Variants in XPO5 observed in about 807,000 individuals in gnomAD.
XPO5 encodes exportin 5, also known as exportin-5.
A neutral mutation model predicts 160.6 loss-of-function variants in XPO5; 46 were observed. The observed-to-expected ratio is 0.29, with a 90% CI of 0.23 to 0.37. The LOEUF (loss-of-function observed/expected upper bound fraction) is 0.37, where lower values mean the gene tolerates loss of function less well. XPO5 is among the 10% of genes least tolerant of loss of function. XPO5 has a pLI of 1.00. For missense variants in XPO5, 1,090 were observed against 1,463.9 expected, an observed-to-expected ratio of 0.74 and a Z score of 4.17; for synonymous variants, 537 against 519.3, an observed-to-expected ratio of 1.03 and a Z score of -0.46.
chr6:43,523,617 C>G lies in XPO5; in HGVS notation c.*251G>C. 1.4e-6 allele frequency: 1 copy of G among 726,404 alleles called. No individual in the cohort carries two copies. Among genetic ancestry groups the G allele is most frequent in the Non-Finnish European group, 2.5e-6 (1 of 396,558 alleles). The allele number at this position is 726,404 out of a possible 1,614,324, so 45.0% of individuals were successfully genotyped here. ...AGCTTTTCTTGGAAAAGCCAAATCT[C>G]CAAGTAGAATGGGAACTATCTGGGA... On this transcript the variant is annotated 3_prime_UTR_variant, in exon 32 of 32. Coordinates refer to ENST00000265351, the MANE Select transcript of XPO5 (RefSeq NM_020750.3).
In XPO5 at chr6:43,554,217, C is replaced by T. The variant is rs147865452; in HGVS notation, c.1442-714G>A. On this transcript the variant is annotated intron_variant, in intron 13 of 31. Transcript: ENST00000265351. ...AGCCTCCCAGGTTGAAGCAATTCTC[C>T]GCCTCAGCCTCCCAAGTAGCTGGGA... Among the ~76,000 whole-genome samples, 300 of 151,980 alleles carry T rather than the reference C, an allele frequency of 2.0e-3. 3 individuals are homozygous for T. Among genetic ancestry groups the T allele is most frequent in the African/African-American group, 6.7e-3 (277 of 41,472 alleles).
At chr6:43,543,055 A>G (rs552212642) in intron 20 of XPO5, among the ~76,000 whole-genome samples, 16 of 152,362 alleles carry the variant, frequency 1.1e-4, no homozygotes, top group Admixed American at 8.5e-4. Context: ...ACATTCATGC[A>G]GTAACATGGA....
Position 43,523,691 on chromosome 6 carries a change from G to T in XPO5, c.*177C>A. ...CCTAACTCCCTTTCTTGATACTTTA[G>T]TATAATTACTTCTGGTCCTGCACAG... is the stretch of plus-strand genomic sequence containing the variant. On this transcript the variant is annotated 3_prime_UTR_variant, in exon 32 of 32. Coordinates refer to ENST00000265351, the MANE Select transcript of XPO5 (RefSeq NM_020750.3). 1 of 962,576 alleles carries T rather than the reference G, an allele frequency of 1.0e-6. No homozygotes were observed. The highest frequency in any genetic ancestry group is 1.7e-6 in the Non-Finnish European group (1 of 586,678). The allele number at this position is 962,576 out of a possible 1,614,324, so 59.6% of individuals were successfully genotyped here. A position where few individuals can be genotyped will look rare whatever the true frequency, so the allele number is the denominator to read the frequency against.
Position 43,528,808 on chromosome 6 carries a change from G to C in XPO5, c.2775+20C>G. The C allele has an allele frequency of 6.2e-7, 1 of 1,609,568 alleles. No individual in the cohort carries two copies. The highest frequency in any genetic ancestry group is 8.5e-7 in the Non-Finnish European group (1 of 1,176,768). ...GCCTTAATAGTACTCTTTGCTTCCT[G>C]TTCCTGACTTATCTCTTACCATATG... On this transcript the variant is annotated intron_variant, in intron 24 of 31. Transcript: ENST00000265351.
At chr6:43,525,789 A>T (rs967279772) in intron 28 of XPO5, 50 bp downstream of exon 28, 2 of 1,579,700 alleles carry the variant, frequency 1.3e-6, no homozygotes, top group East Asian at 4.5e-5. Flanking sequence ...GTAAAAGGTG[A>T]CTCCCCACCT....
chr6:43,565,568 T>TAAAAA, intron 8 of XPO5, 92 bp downstream of exon 8: 1 of 982,718 alleles, frequency 1.0e-6, no homozygotes, highest in East Asian at 3.4e-5. Context: ...CATCTCAAAA[T>TAAAAA]AAAAAAAAAA....
intron 10 of XPO5, 25 bp downstream of exon 10, chr6:43,560,899 G>T (rs949220593): frequency 6.3e-7 from 1 of 1,590,664 alleles, no homozygotes; most frequent in Middle Eastern, 1.7e-4. Context: ...CTAAACTTTT[G>T]AGAAGTTACC....
At chr6:43,558,377 TAA>T in intron 12 of XPO5, 122 bp downstream of exon 12, 3 of 818,918 alleles carry the variant, frequency 3.7e-6, no homozygotes. Context: ...TAGGGCCTAA[TAA>T]GTAGGCTGCT....
intron 12 of XPO5, among the ~76,000 whole-genome samples, chr6:43,557,513 G>A (rs1483958939): frequency 6.6e-6 from 1 of 152,074 alleles, no homozygotes; most frequent in Non-Finnish European, 1.5e-5. Context: ...AGTCACAATA[G>A]ACCATGTATG....
At chr6:43,530,653 C>T (rs372210289) in intron 23 of XPO5, 35 bp downstream of exon 23, 1 of 1,605,078 alleles carries the variant, frequency 6.2e-7, no homozygotes, top group Non-Finnish European at 8.5e-7. Context: ...AATTTTCTGA[C>T]CTTTTGGGTT....
intron 20 of XPO5, among the ~76,000 whole-genome samples, chr6:43,544,529 C>T (rs1053483687): frequency 1.2e-4 from 18 of 152,240 alleles, no homozygotes; most frequent in Admixed American, 1.2e-3. Context: ...CACATAGATT[C>T]TGGCCACAGG....
chr6:43,539,841 TTAAC>T (rs1207099013), intron 20 of XPO5: 1 of 521,548 alleles, frequency 1.9e-6, no homozygotes. Context: ...TTGGTCTAAT[TTAAC>T]TACTACCAAT....
intron 20 of XPO5, among the ~76,000 whole-genome samples, chr6:43,542,740 TA>T (rs1363633384): frequency 6.6e-6 from 1 of 152,162 alleles, no homozygotes; most frequent in East Asian, 1.9e-4. Flanking sequence ...AATAGTAATT[TA>T]AAACTCCCAA....
chr6:43,565,673 G>T lies in XPO5; in HGVS notation c.898C>A (p.Leu300Ile). 1 of 1,608,436 alleles carries T rather than the reference G, an allele frequency of 6.2e-7. No homozygotes were observed. Among genetic ancestry groups the T allele is most frequent in the Admixed American group, 1.7e-5 (1 of 59,264 alleles). The change falls in exon 8 of 32, where the codon CTC becomes ATC. Residue 300 changes from leucine to isoleucine, a missense_variant. By Grantham distance (5) the Leu-to-Ile change is conservative (BLOSUM62 2). This residue lies in a region of XPO5 where 810 missense variants were observed against 1,139.0 expected (regional missense o/e 0.71). Coordinates refer to ENST00000265351, the MANE Select transcript of XPO5 (RefSeq NM_020750.3). Reference protein sequence around the residue: ...LFGDVAMHYILSAAQTADGGG... With the variant: ...LFGDVAMHYIISAAQTADGGG... ...AAAGATACTCACTGTGCGGCGGAGA[G>T]TATATAATGCATGGCAACATCTCCA...
chr6:43,543,414 C>T (rs1046517954), intron 20 of XPO5, among the ~76,000 whole-genome samples: 1 of 152,146 alleles, frequency 6.6e-6, no homozygotes, highest in Non-Finnish European at 1.5e-5. Context: ...GATCGCAACA[C>T]TGCACCCCAA....
chr6:43,560,085 C>G lies in XPO5; in HGVS notation c.1221+93G>C, dbSNP rs1582236951. The G allele has an allele frequency of 2.1e-6, 3 of 1,453,716 alleles. No individual in the cohort carries two copies. The East Asian group carries it at 7.3e-5, about 35-fold the overall frequency. 90.1% of individuals were successfully genotyped at this position (1,453,716 alleles called of 1,614,324 possible). On this transcript the variant is annotated intron_variant, in intron 11 of 31. Transcript: ENST00000265351. Reference sequence around the variant, plus strand: ...CCTCCCGCCTCAGCCTTCCATAGAGCTGGGATTATAGGCGTGAGCCACCGC... The same window carrying G: ...CCTCCCGCCTCAGCCTTCCATAGAGGTGGGATTATAGGCGTGAGCCACCGC...
chr6:43,527,844 T>G (rs762480116), intron 25 of XPO5, 113 bp from the exon 26 acceptor site: 39 of 1,147,742 alleles, frequency 3.4e-5, no homozygotes, highest in Non-Finnish European at 4.5e-5. Flanking sequence ...TGGGTCTTCG[T>G]TTTATGCAAA....
intron 4 of XPO5, 63 bp downstream of exon 4, chr6:43,570,791 AAAC>A (rs1762972264): frequency 1.3e-6 from 2 of 1,544,594 alleles, no homozygotes; most frequent in African/African-American, 2.8e-5. Flanking sequence ...AAACAAAATC[AAAC>A]AACAAACCCT....
At chr6:43,547,829 T>C in intron 18 of XPO5, 122 bp from the exon 19 acceptor site, 1 of 708,676 alleles carries the variant, frequency 1.4e-6, no homozygotes. Flanking sequence ...GTGAGAGGAG[T>C]ATAATCATAC....
Sources: allele counts gnomAD v4.1 joint callset (sites outside exome capture counted in the v4.1 genomes callset), GRCh38; gene constraint gnomAD v4.1.1; regional missense constraint gnomAD v4.1.1; transcripts MANE v1.5; gene names NCBI Gene and HGNC (gene_info 2026-07-23, HGNC 2026-07-21).